Variants in MAP3K13 observed in about 807,000 individuals in gnomAD.
MAP3K13 encodes leucine zipper-bearing kinase.
A neutral mutation model predicts 104.0 loss-of-function variants in MAP3K13; 52 were observed. The ratio of observed to expected loss-of-function variants is 0.50; its 90% CI spans 0.40 to 0.63. The LOEUF (loss-of-function observed/expected upper bound fraction) is 0.63. Ranked by LOEUF, MAP3K13 falls within the 20% of genes least tolerant of loss-of-function variation. The pLI, the probability that MAP3K13 is intolerant of heterozygous loss-of-function variation, is 0.00. For missense variants in MAP3K13, 914 were observed against 1,218.5 expected (o/e 0.75, Z 3.72); for synonymous variants, 394 against 442.2 (o/e 0.89, Z 1.37).
At chr3:185,449,848 C>A in intron 5 of MAP3K13, 52 bp from the exon 6 acceptor site, 1 of 1,475,394 alleles carries the variant, frequency 6.8e-7, no homozygotes, top group Non-Finnish European at 9.1e-7. Flanking sequence ...AACTAAAATA[C>A]AAATCAGTCT....
chr3:185,419,487 C>T (rs1023043058), intron 1 of MAP3K13, among the ~76,000 whole-genome samples: 4 of 152,082 alleles, frequency 2.6e-5, no homozygotes, highest in Non-Finnish European at 5.9e-5. Context: ...ATAATGCATG[C>T]TAATGGTAGA....
Position 185,403,218 on chromosome 3 carries a change from T to A in MAP3K13, c.-85-25279T>A, listed in dbSNP as rs75604239. ...TCAGTTGAGAGTATCTGACTTTAGA[T>A]CTGCTGCTGTTCGGAAATTGCTGAA... On this transcript the variant is annotated intron_variant, in intron 1 of 13. Transcript: ENST00000265026. Among the ~76,000 whole-genome samples, 596 of 152,310 alleles carry A rather than the reference T, an allele frequency of 3.9e-3. 4 individuals are homozygous for A. Among genetic ancestry groups the A allele is most frequent in the African/African-American group, 0.013 (551 of 41,572 alleles).
At chr3:185,325,400 C>T (rs914474414) in intron 2 of MAP3K13, among the ~76,000 whole-genome samples, 2 of 152,176 alleles carry the variant, frequency 1.3e-5, no homozygotes, top group Admixed American at 1.3e-4. Context: ...TTTCCAAATA[C>T]AGTCACATTC....
At chr3:185,357,983 A>C (rs1490342801) in intron 2 of MAP3K13, among the ~76,000 whole-genome samples, 1 of 152,230 alleles carries the variant, frequency 6.6e-6, no homozygotes, top group Admixed American at 6.5e-5. Context: ...GTAGAATTTA[A>C]CATGAGGCTT....
chr3:185,425,155 A>G (rs1560099375), intron 1 of MAP3K13, among the ~76,000 whole-genome samples: 1 of 152,210 alleles, frequency 6.6e-6, no homozygotes, highest in Non-Finnish European at 1.5e-5. Flanking sequence ...CCCCATCTTT[A>G]TCTTTCTTCC....
chr3:185,443,979 TG>T lies in MAP3K13; in HGVS notation c.851+344del, dbSNP rs533962056. ...AAGGCTTGATTTGTTGTTTTCCATG[TG>T]TTCAAAAAACTTTTTAAACTGAGTT... is the stretch of plus-strand genomic sequence containing the variant. On this transcript the variant is annotated intron_variant, in intron 4 of 13. Transcript: ENST00000265026. 1.4e-4 allele frequency among the ~76,000 whole-genome samples: 21 copies of T among 152,354 alleles called. No homozygotes were observed. The South Asian group carries it at 4.4e-3, about 32-fold the overall frequency.
intron 2 of MAP3K13, among the ~76,000 whole-genome samples, chr3:185,330,260 C>T (rs1030761312): frequency 8.6e-5 from 13 of 151,992 alleles, no homozygotes; most frequent in African/African-American, 3.1e-4. Context: ...TTTATATAGA[C>T]GTTCACTGGG....
Position 185,315,256 on chromosome 3 carries a change from GA to G in MAP3K13, c.-86+29623del, listed in dbSNP as rs917640312. On this transcript the variant is annotated intron_variant, in intron 2 of 14. Coordinates refer to the MAP3K13 transcript ENST00000424227. The surrounding 1 kb of genome is among the most constrained non-coding windows in gnomAD (Gnocchi z 4.3). ...CAGAGCAAGACTCCAACTCAAAAAA[GA>G]AAAAAAAAACTATAAATATATTACA... Among the ~76,000 whole-genome samples, 31 of 145,918 alleles carry G rather than the reference GA, an allele frequency of 2.1e-4. 1 individual carries two copies. Among genetic ancestry groups the G allele is most frequent in the South Asian group, 8.6e-4 (4 of 4,628 alleles).
upstream of MAP3K13, among the ~76,000 whole-genome samples, chr3:185,362,737 T>C (rs1463513869): frequency 6.6e-6 from 1 of 152,190 alleles, no homozygotes; most frequent in East Asian, 1.9e-4. Flanking sequence ...ATGGTTTTCC[T>C]GACTTTGATT....
At chr3:185,448,880 A>G (rs1715734666) in intron 5 of MAP3K13, among the ~76,000 whole-genome samples, 1 of 152,206 alleles carries the variant, frequency 6.6e-6, no homozygotes, top group South Asian at 2.1e-4. Flanking sequence ...ATGACTCATA[A>G]TCTTTGCTCA....
intron 2 of MAP3K13, among the ~76,000 whole-genome samples, chr3:185,298,530 AAT>A (rs1230746917): frequency 6.6e-6 from 1 of 152,210 alleles, no homozygotes; most frequent in Non-Finnish European, 1.5e-5. Flanking sequence ...ACTAATTTAA[AAT>A]ATGTTTATTG....
chr3:185,432,663 G>A (rs1385839274), intron 2 of MAP3K13, among the ~76,000 whole-genome samples: 1 of 152,084 alleles, frequency 6.6e-6, no homozygotes, highest in Non-Finnish European at 1.5e-5. Context: ...CTGAGGTTCA[G>A]ACTCAGAATG....
Position 185,428,947 on chromosome 3 carries a change from G to A in MAP3K13, c.366G>A (p.Arg122=), listed in dbSNP as rs747041790. Residue 122 remains arginine, a synonymous_variant, in exon 2 of 14, where the codon AGG becomes AGA. Transcript: ENST00000265026. The part of the protein sequence containing the change: ...GTEDIKIQFS[R]SGSGSGGFLE... Reference sequence around the variant, plus strand: ...AAGACATAAAGATTCAGTTCAGCAGGTCAGGCAGTGGCAGTGGTGGGTTTC... The same window carrying A: ...AAGACATAAAGATTCAGTTCAGCAGATCAGGCAGTGGCAGTGGTGGGTTTC... 2 of 1,614,194 alleles carry A rather than the reference G, an allele frequency of 1.2e-6. No individual in the cohort carries two copies. The highest frequency in any genetic ancestry group is 1.7e-6 in the Non-Finnish European group (2 of 1,180,038).
chr3:185,307,550 C>CCCCG lies in MAP3K13; in HGVS notation c.-86+21909_-86+21910insCGCC, dbSNP rs56197577. Among the ~76,000 whole-genome samples, 3 of 133,796 alleles carry CCCCG rather than the reference C, an allele frequency of 2.2e-5. 1 individual carries two copies. The highest frequency in any genetic ancestry group is 8.9e-5 in the African/African-American group (3 of 33,664). The allele number at this position is 133,796 out of a possible 152,430, so 87.8% of individuals were successfully genotyped here. ...TTCCATTTGGTGCACCACCCCCTCC[C>CCCCG]CCGCCACCCCGAGATGCAGTCTTAC... On this transcript the variant is annotated intron_variant, in intron 2 of 14. Transcript: ENST00000424227.
At chr3:185,301,846 A>T (rs942065336) in intron 2 of MAP3K13, among the ~76,000 whole-genome samples, 5 of 152,202 alleles carry the variant, frequency 3.3e-5, no homozygotes, top group African/African-American at 1.2e-4. Context: ...TTATGCCAGT[A>T]CTATTCTGTT....
chr3:185,384,657 T>C (rs774216810), intron 1 of MAP3K13, among the ~76,000 whole-genome samples: 6 of 152,264 alleles, frequency 3.9e-5, no homozygotes, highest in African/African-American at 4.8e-5. Flanking sequence ...CCATTCTAAC[T>C]GCGATATATC....
Position 185,383,568 on chromosome 3 carries a change from A to G in MAP3K13, c.-86+20200A>G, listed in dbSNP as rs567246795. ...CAGAGTGAGACTCTGTCTCAAAAAAAAAAAAAAAAAAGCCTGGTACCTTCC... is the reference window on the plus strand; with the variant it reads ...CAGAGTGAGACTCTGTCTCAAAAAAGAAAAAAAAAAAGCCTGGTACCTTCC... On this transcript the variant is annotated intron_variant, in intron 1 of 13. Transcript: ENST00000265026. Among the ~76,000 whole-genome samples the G allele has an allele frequency of 1.4e-4, 21 of 151,220 alleles. 1 individual carries two copies. The East Asian group carries it at 3.7e-3, about 27-fold the overall frequency.
At chr3:185,415,571 TA>T (rs1186038511) in intron 1 of MAP3K13, among the ~76,000 whole-genome samples, 2 of 143,684 alleles carry the variant, frequency 1.4e-5, no homozygotes, top group African/African-American at 5.1e-5. Context: ...CCAGAAGGGT[TA>T]ATTTCTTTTT....
chr3:185,316,794 T>G (rs1721691179), intron 2 of MAP3K13, among the ~76,000 whole-genome samples: 1 of 152,156 alleles, frequency 6.6e-6, no homozygotes, highest in African/African-American at 2.4e-5. Context: ...ATTTTAAAAA[T>G]CAAGATTGCG....
Sources: gnomAD v4.1 joint callset for allele counts (sites outside exome capture counted in the v4.1 genomes callset) on GRCh38, gnomAD v4.1.1 for gene constraint, Gnocchi (gnomAD v3.1) non-coding constraint, MANE v1.5 for transcripts, NCBI Gene and HGNC (gene_info 2026-07-23, HGNC 2026-07-21) for gene names.